The following PDZD2 variants were observed in gnomAD, a reference collection of about 807,000 sequenced individuals.
The protein encoded by PDZD2 is PDZ domain containing 2.
Under a neutral mutation model 220.7 loss-of-function variants are expected in PDZD2, and 90 were observed. That is an observed-to-expected ratio of 0.41 (90% CI 0.34 to 0.49). The LOEUF (loss-of-function observed/expected upper bound fraction) is 0.49. Ranked by LOEUF, PDZD2 falls within the 20% of genes least tolerant of loss-of-function variation. PDZD2 has a pLI of 0.28. For missense variants in PDZD2, 3,174 were observed against 3,608.5 expected, an observed-to-expected ratio of 0.88 and a Z score of 3.08; for synonymous variants, 1,375 against 1,450.5, an observed-to-expected ratio of 0.95 and a Z score of 1.18.
chr5:31,740,524 C>CAAAAAAAAAAAAAAAAAAAAAAA (rs58965956), intron 1 of PDZD2, among the ~76,000 whole-genome samples: 4 of 60,060 alleles, frequency 6.7e-5, no homozygotes, highest in East Asian at 4.0e-4. Flanking sequence ...GACTCCGTCT[C>CAAAAAAAAAAAAAAAAAAAAAAA]AAAAAAAAAA....
intron 18 of PDZD2, among the ~76,000 whole-genome samples, chr5:32,075,773 A>G (rs1741228391): frequency 6.6e-6 from 1 of 152,246 alleles, no homozygotes; most frequent in Non-Finnish European, 1.5e-5. Flanking sequence ...ATATTATTAT[A>G]GATGTGTGTT....
intron 1 of PDZD2, among the ~76,000 whole-genome samples, chr5:31,730,110 G>A (rs935724259): frequency 1.3e-5 from 2 of 152,244 alleles, no homozygotes; most frequent in Non-Finnish European, 2.9e-5. Flanking sequence ...TTACAGGTGT[G>A]AGCCACTGCG....
chr5:32,083,785 T>C lies in PDZD2; in HGVS notation c.3683-3346T>C, dbSNP rs1374621609. 1.3e-5 allele frequency among the ~76,000 whole-genome samples: 2 copies of C among 151,580 alleles called. No individual in the cohort carries two copies. The highest frequency in any genetic ancestry group is 4.9e-5 in the African/African-American group (2 of 40,996). Reference sequence around the variant, plus strand: ...TCCGCCTCCCAGGTTCAGGCAGTTCTCCTGCCTCAGCCTCCCAAGCAGCTG... The same window carrying C: ...TCCGCCTCCCAGGTTCAGGCAGTTCCCCTGCCTCAGCCTCCCAAGCAGCTG... On this transcript the variant is annotated intron_variant, in intron 19 of 24. Transcript: ENST00000438447. This position sits in a 1 kb window ranked among gnomAD's most constrained non-coding sequence, Gnocchi z 4.1.
At chr5:31,977,702 G>A (rs1749908842) in intron 2 of PDZD2, among the ~76,000 whole-genome samples, 1 of 152,240 alleles carries the variant, frequency 6.6e-6, no homozygotes, top group Non-Finnish European at 1.5e-5. Flanking sequence ...GCCAGACGCA[G>A]TGCCTCGCTC....
chr5:31,890,027 CCAAAAG>C (rs1740869601), intron 2 of PDZD2, among the ~76,000 whole-genome samples: 1 of 150,606 alleles, frequency 6.6e-6, no homozygotes, highest in Non-Finnish European at 1.5e-5. Flanking sequence ...TGTCCCCCCT[CCAAAAG>C]CAAAAACAAA....
chr5:31,868,493 T>C (rs1338641630), intron 2 of PDZD2, among the ~76,000 whole-genome samples: 2 of 152,128 alleles, frequency 1.3e-5, no homozygotes, highest in African/African-American at 4.8e-5. Context: ...TGGGAAAAGC[T>C]AGTTAGCATA....
chr5:31,938,892 C>G (rs78659463), intron 2 of PDZD2, among the ~76,000 whole-genome samples: 5 of 152,138 alleles, frequency 3.3e-5, no homozygotes, highest in African/African-American at 1.2e-4. Flanking sequence ...TAACTTGTGT[C>G]GAAACTTCAG....
At position 31,868,196 on chromosome 5, in the gene PDZD2, A is replaced by AG. The variant is rs1306984561; in HGVS notation, c.476+68473dup. ...CGCGGTGGCTCATGCCTGTAATCCC[A>AG]GCACTTTGGGAGGCTGAGGTGGGTG... On this transcript the variant is annotated intron_variant, in intron 2 of 24. Coordinates refer to ENST00000438447, the MANE Select transcript of PDZD2 (RefSeq NM_178140.4). Among the ~76,000 whole-genome samples the AG allele has an allele frequency of 2.0e-5, 3 of 152,346 alleles. No individual in the cohort carries two copies. The East Asian group carries it at 5.8e-4, about 29-fold the overall frequency.
rs1446031706 is a variant in PDZD2 at position 31,725,720 on chromosome 5, G to A, written c.-360-73169G>A. On this transcript the variant is annotated intron_variant, in intron 1 of 24. Coordinates refer to ENST00000438447, the MANE Select transcript of PDZD2 (RefSeq NM_178140.4). ...GATGCCTCTAGTTTTGGTATGAGAT[G>A]CAGGCCTGCAACGTGATTTAGCCTT... is the stretch of plus-strand genomic sequence containing the variant. 4.5e-6 allele frequency: 4 copies of A among 879,900 alleles called. No individual in the cohort carries two copies. In the East Asian group the frequency reaches 7.2e-5, roughly 16 times the overall value. 54.5% of individuals were successfully genotyped at this position (879,900 alleles called of 1,614,324 possible).
At chr5:31,640,877 A>G (rs1294911723) in intron 1 of PDZD2, among the ~76,000 whole-genome samples, 1 of 150,762 alleles carries the variant, frequency 6.6e-6, no homozygotes, top group African/African-American at 2.4e-5. Flanking sequence ...GGTTAGGTGT[A>G]GGAGTAGGGG....
chr5:31,727,086 A>C (rs1052591080), intron 1 of PDZD2, among the ~76,000 whole-genome samples: 1 of 152,146 alleles, frequency 6.6e-6, no homozygotes, highest in Admixed American at 6.5e-5. Flanking sequence ...ACTCACTATC[A>C]CGAAGACAGC....
chr5:31,936,580 GAAAA>G (rs1001688886), intron 2 of PDZD2, among the ~76,000 whole-genome samples: 15 of 147,240 alleles, frequency 1.0e-4, no homozygotes, highest in African/African-American at 3.4e-4. Flanking sequence ...AAAAAAAAAA[GAAAA>G]AAAGCATGCA....
At chr5:31,919,506 C>T (rs1744001279) in intron 2 of PDZD2, among the ~76,000 whole-genome samples, 1 of 152,014 alleles carries the variant, frequency 6.6e-6, no homozygotes, top group Non-Finnish European at 1.5e-5. Context: ...GCCACCACGC[C>T]CAGCTAATTT....
At chr5:31,733,300 T>C (rs975103479) in intron 1 of PDZD2, among the ~76,000 whole-genome samples, 5 of 152,210 alleles carry the variant, frequency 3.3e-5, no homozygotes, top group African/African-American at 1.2e-4. Context: ...GTATTTAGCA[T>C]GCATCAAACT....
chr5:31,981,425 C>T (rs1214380961), intron 2 of PDZD2, among the ~76,000 whole-genome samples: 5 of 152,132 alleles, frequency 3.3e-5, no homozygotes, highest in African/African-American at 7.2e-5. Context: ...CTCTCCTTCC[C>T]GCTCCCTTGC....
chr5:31,700,002 C>T (rs888292002), intron 1 of PDZD2, among the ~76,000 whole-genome samples: 1 of 152,140 alleles, frequency 6.6e-6, no homozygotes, highest in Non-Finnish European at 1.5e-5. Context: ...AGGATCAGCT[C>T]TGTGAGTTAG....
chr5:31,707,292 T>TA (rs1291335581), intron 1 of PDZD2, among the ~76,000 whole-genome samples: 1 of 146,352 alleles, frequency 6.8e-6, no homozygotes, highest in Non-Finnish European at 1.5e-5. Flanking sequence ...CCCTAGAACT[T>TA]AAAGTTTAAT....
intron 3 of PDZD2, among the ~76,000 whole-genome samples, chr5:31,984,168 T>A (rs1750527723): frequency 6.6e-6 from 1 of 152,216 alleles, no homozygotes; most frequent in African/African-American, 2.4e-5. Flanking sequence ...ATTAGTGATG[T>A]TTTCATGGGA....
intron 1 of PDZD2, among the ~76,000 whole-genome samples, chr5:31,686,744 T>C (rs1167607535): frequency 6.6e-6 from 1 of 152,248 alleles, no homozygotes; most frequent in Non-Finnish European, 1.5e-5. Context: ...ACAATATTTT[T>C]AGTTTCTATT....
Sources: allele counts gnomAD v4.1 joint callset (sites outside exome capture counted in the v4.1 genomes callset), GRCh38; gene constraint gnomAD v4.1.1; non-coding constraint Gnocchi (gnomAD v3.1); transcripts MANE v1.5; gene names NCBI Gene and HGNC (gene_info 2026-07-23, HGNC 2026-07-21).